The following GRIA4 variants were observed in gnomAD, a reference collection of about 807,000 sequenced individuals.
GRIA4 encodes glutamate ionotropic receptor AMPA type subunit 4.
GRIA4 carries 34 observed loss-of-function variants against 104.0 expected under a neutral mutation model. The observed-to-expected ratio is 0.33, with a 90% CI of 0.25 to 0.44. The LOEUF is 0.44. GRIA4 is among the 20% of genes least tolerant of loss of function. The pLI is 1.00. For synonymous variants in GRIA4, 386 were observed against 381.9 expected (o/e 1.01, Z -0.13); for missense variants, 750 against 1,096.5 (o/e 0.68, Z 4.46).
chr11:105,800,064 A>T (rs1240769563), intron 4 of GRIA4, among the ~76,000 whole-genome samples: 1 of 152,104 alleles, frequency 6.6e-6, no homozygotes, highest in Non-Finnish European at 1.5e-5. Context: ...AGAAAGCAAG[A>T]AAACACATAA....
At chr11:105,940,604 T>C (rs1005563288) in intron 14 of GRIA4, among the ~76,000 whole-genome samples, 3 of 152,284 alleles carry the variant, frequency 2.0e-5, no homozygotes, top group Admixed American at 6.5e-5. Flanking sequence ...AGTGAAGAAT[T>C]GTATATGATG....
At chr11:105,930,096 A>G (rs1210518746) in intron 13 of GRIA4, among the ~76,000 whole-genome samples, 2 of 152,120 alleles carry the variant, frequency 1.3e-5, no homozygotes, top group Admixed American at 6.6e-5. Flanking sequence ...GTGACATTTG[A>G]TACAGAGACC....
chr11:105,864,442 T>A (rs1471543591), intron 5 of GRIA4, among the ~76,000 whole-genome samples: 2 of 152,182 alleles, frequency 1.3e-5, no homozygotes, highest in Admixed American at 1.3e-4. Flanking sequence ...CCAAAGCATT[T>A]TTAAAAGGTA....
chr11:105,643,782 C>A (rs1006894234), intron 3 of GRIA4, among the ~76,000 whole-genome samples: 12 of 152,004 alleles, frequency 7.9e-5, no homozygotes. Flanking sequence ...GCAGTGACAT[C>A]ATCTCTGCTC....
At chr11:105,636,299 G>A (rs1951199760) in intron 3 of GRIA4, among the ~76,000 whole-genome samples, 1 of 152,082 alleles carries the variant, frequency 6.6e-6, no homozygotes. Flanking sequence ...GCAAAAGTGG[G>A]AATAGTATAA....
At chr11:105,786,004 G>A (rs966453903) in intron 4 of GRIA4, among the ~76,000 whole-genome samples, 3 of 151,754 alleles carry the variant, frequency 2.0e-5, no homozygotes, top group Admixed American at 6.6e-5. Flanking sequence ...AAATTAGCTG[G>A]GCATGGTGGC....
intron 3 of GRIA4, among the ~76,000 whole-genome samples, chr11:105,648,416 ATTAT>A (rs1214416298): frequency 6.6e-6 from 1 of 151,298 alleles, no homozygotes; most frequent in East Asian, 1.9e-4. Context: ...AATTGGATAA[ATTAT>A]TTAAATATTA....
intron 14 of GRIA4, among the ~76,000 whole-genome samples, chr11:105,960,078 G>T (rs1342350705): frequency 6.6e-6 from 1 of 152,216 alleles, no homozygotes; most frequent in Non-Finnish European, 1.5e-5. Flanking sequence ...CCCTGTTGGA[G>T]GGTCTCATTC....
intron 4 of GRIA4, among the ~76,000 whole-genome samples, chr11:105,771,532 C>T (rs1941207707): frequency 6.6e-6 from 1 of 152,000 alleles, no homozygotes; most frequent in South Asian, 2.1e-4. Flanking sequence ...TTTTTGCAAA[C>T]AAGTTTCTCT....
intron 3 of GRIA4, among the ~76,000 whole-genome samples, chr11:105,717,465 T>C (rs1954131796): frequency 6.6e-6 from 1 of 152,116 alleles, no homozygotes; most frequent in Non-Finnish European, 1.5e-5. Flanking sequence ...AGATTCTGTC[T>C]CAGTGAGACT....
At chr11:105,701,882 G>A (rs764381724) in intron 3 of GRIA4, among the ~76,000 whole-genome samples, 15 of 152,202 alleles carry the variant, frequency 9.9e-5, no homozygotes, top group Admixed American at 1.3e-4. Context: ...ATATTTTACT[G>A]AATAGTAGAT....
At chr11:105,920,599 G>GA (rs1947532390) in intron 11 of GRIA4, among the ~76,000 whole-genome samples, 1 of 152,050 alleles carries the variant, frequency 6.6e-6, no homozygotes, top group African/African-American at 2.4e-5. Flanking sequence ...TTCATTCAGG[G>GA]AAAATTGTTT....
intron 3 of GRIA4, among the ~76,000 whole-genome samples, chr11:105,650,978 T>C (rs886393979): frequency 5.9e-5 from 9 of 152,164 alleles, no homozygotes; most frequent in Non-Finnish European, 1.3e-4. Context: ...TGTGCAAACA[T>C]TTTACACTTT....
At chr11:105,930,543 A>G (rs907323017) in intron 13 of GRIA4, among the ~76,000 whole-genome samples, 22 of 152,042 alleles carry the variant, frequency 1.4e-4, no homozygotes, top group Admixed American at 1.3e-3. Context: ...GTAATTTTCC[A>G]CATACTAATA....
At chr11:105,738,387 C>T (rs61451353) in intron 3 of GRIA4, among the ~76,000 whole-genome samples, 2,147 of 116,830 alleles carry the variant, frequency 0.018, 52 homozygotes, top group African/African-American at 0.06. Context: ...AGGCTGAATG[C>T]TGGAGCAGAA....
At chr11:105,879,490 C>G (rs781315014) in intron 5 of GRIA4, among the ~76,000 whole-genome samples, 1 of 152,170 alleles carries the variant, frequency 6.6e-6, no homozygotes, top group Non-Finnish European at 1.5e-5. Context: ...TGGAAAAGTA[C>G]AAGCTACACA....
At chr11:105,921,695 G>A (rs1044531475) in intron 11 of GRIA4, among the ~76,000 whole-genome samples, 8 of 151,966 alleles carry the variant, frequency 5.3e-5, no homozygotes, top group African/African-American at 1.5e-4. Flanking sequence ...CTCACTAGTG[G>A]GAACTTGTGT....
rs769927999 is a variant in GRIA4, at chr11:105,612,243, C to G, written c.89-33C>G. ...TGGGTATAATGTTGACAAGAGGAAA[C>G]AGTGAATGTGCTTTTCCTGCTGTTT... On this transcript the variant is annotated intron_variant, in intron 2 of 16. Coordinates refer to ENST00000282499, the MANE Select transcript of GRIA4 (RefSeq NM_000829.4). 2.5e-6 allele frequency: 4 copies of G among 1,606,346 alleles called. No homozygotes were observed. In the South Asian group the frequency reaches 4.4e-5, roughly 18 times the overall value.
intron 10 of GRIA4, among the ~76,000 whole-genome samples, chr11:105,914,063 A>T (rs1473429917): frequency 1.3e-5 from 2 of 151,376 alleles, no homozygotes; most frequent in Non-Finnish European, 2.9e-5. Flanking sequence ...AAAATGTATT[A>T]TATATATATA....
Sources: gnomAD v4.1 joint callset for allele counts (sites outside exome capture counted in the v4.1 genomes callset) on GRCh38, gnomAD v4.1.1 for gene constraint, MANE v1.5 for transcripts, NCBI Gene and HGNC (gene_info 2026-07-23, HGNC 2026-07-21) for gene names.